The following PRKG1 variants were observed in gnomAD, a reference collection of about 807,000 sequenced individuals.
PRKG1 encodes protein kinase cGMP-dependent 1, also known as cGMP-dependent protein kinase 1.
A neutral mutation model predicts 88.1 loss-of-function variants in PRKG1; 35 were observed. The ratio of observed to expected loss-of-function variants is 0.40; its 90% CI spans 0.30 to 0.53. PRKG1 has a LOEUF of 0.53. Ranked by LOEUF, PRKG1 falls within the 20% of genes least tolerant of loss-of-function variation. PRKG1 has a pLI of 0.59. For synonymous variants in PRKG1, 303 were observed against 292.5 expected (o/e 1.04, Z -0.37); for missense variants, 540 against 839.8 (o/e 0.64, Z 4.41).
At position 52,298,310 on chromosome 10, in the gene PRKG1, A is replaced by G. The variant is rs1249800617; in HGVS notation, c.*4410A>G. ...GCTGTAATTGCTGAGTGCCTGTTGTATACTTTATAGAGTTGAAATAAAAAA... is the reference window on the plus strand; with the variant it reads ...GCTGTAATTGCTGAGTGCCTGTTGTGTACTTTATAGAGTTGAAATAAAAAA... On this transcript the variant is annotated 3_prime_UTR_variant, in exon 18 of 18. Transcript: ENST00000373980. 1 of 151,456 alleles carries G rather than the reference A, an allele frequency of 6.6e-6. No individual in the cohort carries two copies. Among genetic ancestry groups the G allele is most frequent in the African/African-American group, 2.4e-5 (1 of 41,180 alleles). 9.4% of individuals were successfully genotyped at this position (151,456 alleles called of 1,614,324 possible).
At chr10:52,240,789 ATGG>A (rs1270675372) in intron 9 of PRKG1, among the ~76,000 whole-genome samples, 1 of 152,134 alleles carries the variant, frequency 6.6e-6, no homozygotes, top group Admixed American at 6.6e-5. Flanking sequence ...TCAAGAATGG[ATGG>A]TGTTCTCAAA....
chr10:51,906,311 A>G (rs1035225914), intron 4 of PRKG1, among the ~76,000 whole-genome samples: 1 of 152,194 alleles, frequency 6.6e-6, no homozygotes, highest in Non-Finnish European at 1.5e-5. Context: ...AAATATTTGA[A>G]GAGATTCATT....
chr10:51,291,573 A>G (rs111230345), intron 2 of PRKG1, among the ~76,000 whole-genome samples: 146 of 152,242 alleles, frequency 9.6e-4, no homozygotes, highest in African/African-American at 3.4e-3. Context: ...ACTGTAACCA[A>G]TGAGAATGGC....
intron 1 of PRKG1, among the ~76,000 whole-genome samples, chr10:51,006,252 T>G (rs1030188235): frequency 6.6e-6 from 1 of 152,226 alleles, no homozygotes; most frequent in African/African-American, 2.4e-5. Flanking sequence ...TGAACTATTT[T>G]GGAGATCCAA....
At chr10:51,357,584 A>G (rs1313072011) in intron 2 of PRKG1, among the ~76,000 whole-genome samples, 2 of 151,960 alleles carry the variant, frequency 1.3e-5, no homozygotes, top group Non-Finnish European at 2.9e-5. Flanking sequence ...CCTTTCAGAA[A>G]CTATTGACGA....
chr10:52,180,781 C>G (rs1222647518), intron 9 of PRKG1, among the ~76,000 whole-genome samples: 2 of 152,046 alleles, frequency 1.3e-5, no homozygotes, highest in African/African-American at 4.8e-5. Flanking sequence ...GGTGAGTTGG[C>G]CAATTTGAGG....
chr10:51,020,721 C>A (rs1843124364), intron 1 of PRKG1, among the ~76,000 whole-genome samples: 1 of 152,156 alleles, frequency 6.6e-6, no homozygotes, highest in Admixed American at 6.6e-5. Flanking sequence ...TAACCCCAAT[C>A]TCAGTCCACT....
chr10:51,796,986 T>C (rs181591303), intron 3 of PRKG1, among the ~76,000 whole-genome samples: 2 of 152,148 alleles, frequency 1.3e-5, no homozygotes, highest in Non-Finnish European at 2.9e-5. Context: ...CAAGCATATG[T>C]GGGAGTTTTA....
At chr10:52,004,446 C>G (rs1487056175) in intron 5 of PRKG1, among the ~76,000 whole-genome samples, 2 of 152,146 alleles carry the variant, frequency 1.3e-5, no homozygotes, top group Non-Finnish European at 1.5e-5. Context: ...ACTGAAGTAT[C>G]ATTACTTCTC....
chr10:51,481,547 C>A (rs745582431), intron 3 of PRKG1, among the ~76,000 whole-genome samples: 1 of 152,074 alleles, frequency 6.6e-6, no homozygotes, highest in Non-Finnish European at 1.5e-5. Context: ...CCATGCCCGG[C>A]CAGACTCTTT....
At chr10:51,540,709 G>GT (rs982630135) in intron 3 of PRKG1, among the ~76,000 whole-genome samples, 2 of 151,812 alleles carry the variant, frequency 1.3e-5, no homozygotes, top group East Asian at 1.9e-4. Context: ...CAGTATAGTA[G>GT]TTTTTTTGTT....
intron 9 of PRKG1, among the ~76,000 whole-genome samples, chr10:52,219,095 A>C (rs1265335189): frequency 2.0e-5 from 3 of 152,156 alleles, no homozygotes; most frequent in African/African-American, 7.2e-5. Context: ...CATGGTGAGC[A>C]CTTCTGTAAG....
At chr10:51,810,305 A>G (rs1377325512) in intron 4 of PRKG1, among the ~76,000 whole-genome samples, 2 of 152,188 alleles carry the variant, frequency 1.3e-5, no homozygotes, top group Non-Finnish European at 2.9e-5. Flanking sequence ...TACTGATCAT[A>G]TGGTTTGGCC....
At chr10:51,425,423 G>A (rs1000430533) in intron 2 of PRKG1, among the ~76,000 whole-genome samples, 2 of 152,190 alleles carry the variant, frequency 1.3e-5, no homozygotes, top group Non-Finnish European at 2.9e-5. Context: ...ATACAAATGA[G>A]ATCAATGTTG....
intron 3 of PRKG1, among the ~76,000 whole-genome samples, chr10:51,519,828 A>C (rs150875129): frequency 6.6e-6 from 1 of 152,302 alleles, no homozygotes; most frequent in Non-Finnish European, 1.5e-5. Context: ...GCGACAGCTA[A>C]ATTAGCAGAA....
Position 51,374,093 on chromosome 10 carries a change from A to AAAATATATAT in PRKG1, c.479-93629_479-93628insAATATATATA. ...GCTGGCAGAGGTTGCAAAAAAAAAA[A>AAAATATATAT]ATATATATATATATATATATGTACT... On this transcript the variant is annotated intron_variant, in intron 2 of 17. Coordinates refer to ENST00000373980, the MANE Select transcript of PRKG1 (RefSeq NM_006258.4). Among the ~76,000 whole-genome samples, 7 of 100,190 alleles carry AAAATATATAT rather than the reference A, an allele frequency of 7.0e-5. No individual in the cohort carries two copies. The South Asian group carries it at 1.3e-3, about 18-fold the overall frequency. 65.7% of individuals were successfully genotyped at this position (100,190 alleles called of 152,430 possible). A position where few individuals can be genotyped will look rare whatever the true frequency, so the allele number is the denominator to read the frequency against.
intron 5 of PRKG1, chr10:51,909,257 G>C (rs764424878): frequency 6.6e-5 from 10 of 152,236 alleles, no homozygotes; most frequent in Non-Finnish European, 1.5e-4. Context: ...AGAAGCTTAA[G>C]TGATCTTTGG....
At chr10:52,020,031 AT>A (rs1186072385) in intron 5 of PRKG1, among the ~76,000 whole-genome samples, 2 of 152,000 alleles carry the variant, frequency 1.3e-5, no homozygotes, top group Non-Finnish European at 2.9e-5. Flanking sequence ...ACTGAAATAT[AT>A]TTTAATATAT....
At chr10:51,931,084 G>A (rs1842684572) in intron 5 of PRKG1, among the ~76,000 whole-genome samples, 1 of 152,112 alleles carries the variant, frequency 6.6e-6, no homozygotes, top group African/African-American at 2.4e-5. Context: ...TGTGTTGCAG[G>A]AGCCTTGTGG....
Sources: allele counts gnomAD v4.1 joint callset (sites outside exome capture counted in the v4.1 genomes callset), GRCh38; gene constraint gnomAD v4.1.1; transcripts MANE v1.5; gene names NCBI Gene and HGNC (gene_info 2026-07-23, HGNC 2026-07-21).